The following TBL1XR1 variants were observed in gnomAD, a reference collection of about 807,000 sequenced individuals.
The protein encoded by TBL1XR1 is TBL1X/Y related 1.
Under a neutral mutation model 66.9 loss-of-function variants are expected in TBL1XR1, and 5 were observed. That is an observed-to-expected ratio of 0.07 (90% confidence interval 0.04 to 0.16). TBL1XR1 has a LOEUF of 0.16. Among genes scored for constraint, TBL1XR1 ranks in the 10% least tolerant of loss-of-function variants. The pLI is 1.00. For synonymous variants in TBL1XR1, 210 were observed against 206.0 expected, an observed-to-expected ratio of 1.02 and a Z score of -0.17; for missense variants, 238 against 623.2, an observed-to-expected ratio of 0.38 and a Z score of 6.58.
chr3:177,035,438 G>C (rs7631433), intron 12 of TBL1XR1, among the ~76,000 whole-genome samples: 93,946 of 142,666 alleles, frequency 0.66, 31,212 homozygotes, highest in African/African-American at 0.79. Flanking sequence ...TTTTGGAGAT[G>C]AAGTCTCACT....
At chr3:177,095,260 T>C (rs1723329372) in intron 2 of TBL1XR1, among the ~76,000 whole-genome samples, 1 of 151,940 alleles carries the variant, frequency 6.6e-6, no homozygotes, top group Non-Finnish European at 1.5e-5. Flanking sequence ...GGGCGGGTGC[T>C]GTTTAATGGG....
intron 1 of TBL1XR1, among the ~76,000 whole-genome samples, chr3:177,112,107 A>ATATATATATATTTTTTTTTTTTTT: frequency 2.7e-5 from 1 of 37,652 alleles, no homozygotes; most frequent in African/African-American, 1.3e-4. Flanking sequence ...ATATATATAT[A>ATATATATATATTTTTTTTTTTTTT]TTTTTTTTTT....
At chr3:177,188,393 C>A (rs1735703247) in intron 1 of TBL1XR1, among the ~76,000 whole-genome samples, 1 of 151,594 alleles carries the variant, frequency 6.6e-6, no homozygotes, top group Non-Finnish European at 1.5e-5. Flanking sequence ...ACTAAAAATA[C>A]AAAATTAGGT....
chr3:177,085,486 T>C (rs542076016), intron 2 of TBL1XR1, among the ~76,000 whole-genome samples: 8 of 152,014 alleles, frequency 5.3e-5, no homozygotes, highest in Non-Finnish European at 1.2e-4. Context: ...GAAAAGACAA[T>C]AACAGATATT....
At chr3:177,129,227 C>T (rs530139483) in intron 1 of TBL1XR1, among the ~76,000 whole-genome samples, 14 of 152,144 alleles carry the variant, frequency 9.2e-5, no homozygotes, top group African/African-American at 3.4e-4. Context: ...AAAAGCAGGA[C>T]TAGATGAAGA....
intron 1 of TBL1XR1, among the ~76,000 whole-genome samples, chr3:177,138,758 G>A (rs1729288142): frequency 6.6e-6 from 1 of 152,104 alleles, no homozygotes; most frequent in Non-Finnish European, 1.5e-5. Flanking sequence ...GGGAGAAAAA[G>A]GAGGGAAAGA....
In TBL1XR1 at chr3:177,083,827, C is replaced by T. The variant is rs1008881838; in HGVS notation, c.-46+14639G>A. 5.3e-5 allele frequency among the ~76,000 whole-genome samples: 8 copies of T among 151,856 alleles called. No individual in the cohort carries two copies. The East Asian group carries it at 9.7e-4, about 18-fold the overall frequency. On this transcript the variant is annotated intron_variant, in intron 2 of 15. Transcript: ENST00000457928. ...AAACTTGGCCAAGCATGGTGGCTCA[C>T]GCCTGTAATCCCAGCACTCTGGGAA...
intron 2 of TBL1XR1, among the ~76,000 whole-genome samples, chr3:177,069,802 AAGGAAGGAAGGAAGGAAGG>A (rs1719700297): frequency 1.5e-5 from 1 of 64,862 alleles, no homozygotes; most frequent in African/African-American, 6.2e-5. Context: ...GAAAGGAAGG[AAGGAAGGAAGGAAGGAAGG>A]AAGGAAGGAA....
intron 1 of TBL1XR1, among the ~76,000 whole-genome samples, chr3:177,173,047 C>T (rs1314856543): frequency 2.0e-5 from 3 of 152,082 alleles, no homozygotes; most frequent in East Asian, 1.9e-4. Flanking sequence ...ATTAGCCGGG[C>T]GTGGTGATGC....
chr3:177,199,002 C>T (rs1737270207), upstream of TBL1XR1, among the ~76,000 whole-genome samples: 1 of 152,088 alleles, frequency 6.6e-6, no homozygotes, highest in Non-Finnish European at 1.5e-5. Flanking sequence ...TCTCTTTCCC[C>T]CCTGAGCCCT....
At chr3:177,030,394 G>C (rs1202552442) in intron 14 of TBL1XR1, among the ~76,000 whole-genome samples, 1 of 151,886 alleles carries the variant, frequency 6.6e-6, no homozygotes, top group Non-Finnish European at 1.5e-5. Context: ...TTTCAAAGAA[G>C]TGGTAAAAAA....
At chr3:177,153,518 T>C (rs890837687) in intron 1 of TBL1XR1, among the ~76,000 whole-genome samples, 7 of 152,196 alleles carry the variant, frequency 4.6e-5, no homozygotes, top group East Asian at 1.9e-4. Context: ...AAGGGAGAAA[T>C]AGATGTATGC....
intron 4 of TBL1XR1, among the ~76,000 whole-genome samples, 156 bp from the exon 5 acceptor site, chr3:177,051,882 GA>G (rs2108497969): frequency 6.6e-6 from 1 of 152,214 alleles, no homozygotes; most frequent in East Asian, 1.9e-4. Flanking sequence ...AGGGAATAAA[GA>G]AACTACAAGC....
intron 9 of TBL1XR1, 84 bp from the exon 10 acceptor site, chr3:177,046,273 G>A (rs982430456): frequency 5.2e-6 from 5 of 956,634 alleles, no homozygotes; most frequent in African/African-American, 1.7e-5. Context: ...CTGTATTACA[G>A]CAATATGAAA....
At chr3:177,151,897 A>G (rs966516973) in intron 1 of TBL1XR1, among the ~76,000 whole-genome samples, 1 of 152,046 alleles carries the variant, frequency 6.6e-6, no homozygotes, top group Non-Finnish European at 1.5e-5. Flanking sequence ...GGTGGCAGGC[A>G]CCCGTAATCC....
chr3:177,144,332 A>G (rs1729984941), intron 1 of TBL1XR1, among the ~76,000 whole-genome samples: 1 of 152,188 alleles, frequency 6.6e-6, no homozygotes, highest in South Asian at 2.1e-4. Flanking sequence ...TAAGTACAAC[A>G]TTAAAGAATC....
At chr3:177,128,191 C>G (rs1442846630) in intron 1 of TBL1XR1, among the ~76,000 whole-genome samples, 1 of 151,976 alleles carries the variant, frequency 6.6e-6, no homozygotes, top group Admixed American at 6.6e-5. Context: ...TGCACTTCAG[C>G]CTGGGTGACA....
At chr3:177,029,665 C>T (rs921902616) in intron 14 of TBL1XR1, among the ~76,000 whole-genome samples, 2 of 151,996 alleles carry the variant, frequency 1.3e-5, no homozygotes, top group South Asian at 2.1e-4. Flanking sequence ...AAAACTTCTA[C>T]GTGATAAACA....
chr3:177,044,445 A>G (rs1716039646), intron 10 of TBL1XR1, among the ~76,000 whole-genome samples: 1 of 152,182 alleles, frequency 6.6e-6, no homozygotes, highest in Admixed American at 6.6e-5. Flanking sequence ...CAGAATGAAG[A>G]CAGACCAAAA....
Sources: allele counts gnomAD v4.1 joint callset (sites outside exome capture counted in the v4.1 genomes callset), GRCh38; gene constraint gnomAD v4.1.1; transcripts MANE v1.5; gene names NCBI Gene and HGNC (gene_info 2026-07-23, HGNC 2026-07-21).